Variants in SLC30A8 observed in about 807,000 individuals in gnomAD.
SLC30A8 encodes proton-coupled zinc antiporter SLC30A8.
Under a neutral mutation model 36.9 loss-of-function variants are expected in SLC30A8, and 27 were observed. The ratio of observed to expected loss-of-function variants is 0.73; its 90% CI spans 0.54 to 1.01. The LOEUF (loss-of-function observed/expected upper bound fraction) is 1.01. Among genes scored for constraint, SLC30A8 ranks in the 50% least tolerant of loss-of-function variants. SLC30A8 has a pLI of 0.00. For missense variants in SLC30A8, 439 were observed against 452.0 expected (o/e 0.97, Z 0.26); for synonymous variants, 164 against 172.4 (o/e 0.95, Z 0.38).
chr8:117,011,518 A>G (rs1816343915), intron 1 of SLC30A8, among the ~76,000 whole-genome samples: 2 of 152,226 alleles, frequency 1.3e-5, no homozygotes, highest in Admixed American at 1.3e-4. Context: ...CACCTGAGAC[A>G]GAGAGAAGCC....
chr8:117,054,539 A>G (rs568229401), intron 2 of SLC30A8, among the ~76,000 whole-genome samples: 1 of 152,288 alleles, frequency 6.6e-6, no homozygotes, highest in East Asian at 1.9e-4. Flanking sequence ...AAACATACAG[A>G]AGAATACTGA....
chr8:117,091,055 A>G (rs1358994259), intron 2 of SLC30A8, among the ~76,000 whole-genome samples: 1 of 152,006 alleles, frequency 6.6e-6, no homozygotes, highest in Non-Finnish European at 1.5e-5. Flanking sequence ...TAGGTTAATC[A>G]TTAATCTGAA....
chr8:117,077,961 T>C (rs925455857), intron 2 of SLC30A8, among the ~76,000 whole-genome samples: 28 of 152,312 alleles, frequency 1.8e-4, no homozygotes, highest in African/African-American at 6.5e-4. Context: ...ATTGATATTG[T>C]GTAGGAGAAG....
chr8:117,142,326 G>A (rs1485086716), intron 1 of SLC30A8, among the ~76,000 whole-genome samples: 1 of 152,034 alleles, frequency 6.6e-6, no homozygotes, highest in Non-Finnish European at 1.5e-5. Flanking sequence ...CACCTCCTAA[G>A]GGTTTCTATG....
At chr8:117,026,227 CGTA>C (rs1816866550) in intron 1 of SLC30A8, among the ~76,000 whole-genome samples, 1 of 152,104 alleles carries the variant, frequency 6.6e-6, no homozygotes, top group African/African-American at 2.4e-5. Flanking sequence ...ATTTTTGAAA[CGTA>C]GTTCTAATCA....
At chr8:117,147,204 A>G (rs756742386) in intron 2 of SLC30A8, 51 bp downstream of exon 2, 2 of 1,524,980 alleles carry the variant, frequency 1.3e-6, no homozygotes, top group Non-Finnish European at 1.8e-6. Context: ...AAAACTCTGC[A>G]TCATTATGGG....
chr8:117,132,145 G>T (rs899316137), upstream of SLC30A8, among the ~76,000 whole-genome samples: 1 of 152,018 alleles, frequency 6.6e-6, no homozygotes, highest in African/African-American at 2.4e-5. Flanking sequence ...TCTGAAATAC[G>T]AGTTTAAATA....
chr8:116,983,770 A>G (rs1045440628), intron 1 of SLC30A8, among the ~76,000 whole-genome samples: 5 of 152,098 alleles, frequency 3.3e-5, no homozygotes, highest in Non-Finnish European at 7.4e-5. Context: ...TAATGGTAAC[A>G]TCTTGCTTAA....
At chr8:117,082,428 T>C (rs1477293319) in intron 2 of SLC30A8, among the ~76,000 whole-genome samples, 7 of 152,226 alleles carry the variant, frequency 4.6e-5, no homozygotes, top group Admixed American at 4.6e-4. Context: ...AAGGTATTTA[T>C]TTCTTTTTAT....
At chr8:117,102,099 A>G (rs1819750468) in intron 2 of SLC30A8, among the ~76,000 whole-genome samples, 1 of 152,120 alleles carries the variant, frequency 6.6e-6, no homozygotes, top group Admixed American at 6.6e-5. Context: ...TTTTTAAAAA[A>G]TCATATTGAT....
At chr8:117,086,737 CA>C (rs1227881331) in intron 2 of SLC30A8, among the ~76,000 whole-genome samples, 1 of 152,154 alleles carries the variant, frequency 6.6e-6, no homozygotes, top group Non-Finnish European at 1.5e-5. Flanking sequence ...CTATTTATGC[CA>C]CATCTACTAA....
At chr8:117,088,372 C>G (rs2130824199) in intron 2 of SLC30A8, among the ~76,000 whole-genome samples, 1 of 152,240 alleles carries the variant, frequency 6.6e-6, no homozygotes, top group East Asian at 1.9e-4. Context: ...CAGGTTTCCC[C>G]CCTTATTCCT....
At chr8:117,140,126 A>G (rs1821582082) in intron 1 of SLC30A8, among the ~76,000 whole-genome samples, 1 of 152,086 alleles carries the variant, frequency 6.6e-6, no homozygotes, top group Non-Finnish European at 1.5e-5. Flanking sequence ...GTTCAACAGT[A>G]GAGCTGTACT....
intron 2 of SLC30A8, among the ~76,000 whole-genome samples, chr8:117,060,418 AAGG>A (rs1024308896): frequency 4.6e-5 from 7 of 152,142 alleles, no homozygotes; most frequent in African/African-American, 1.7e-4. Context: ...ATGAGAAATA[AAGG>A]AGGAGAGGAC....
intron 1 of SLC30A8, among the ~76,000 whole-genome samples, chr8:116,964,829 G>A (rs1391224737): frequency 6.6e-6 from 1 of 152,152 alleles, no homozygotes; most frequent in Non-Finnish European, 1.5e-5. Flanking sequence ...TAAACACTTG[G>A]GAAAGAGTTT....
intron 2 of SLC30A8, among the ~76,000 whole-genome samples, chr8:117,073,258 CTTT>C (rs35458253): frequency 4.3e-5 from 6 of 140,250 alleles, no homozygotes; most frequent in Admixed American, 1.4e-4. Context: ...ATTTCTTTCA[CTTT>C]TTTTTTTTTT....
At chr8:117,032,847 G>A (rs571809031) in intron 1 of SLC30A8, among the ~76,000 whole-genome samples, 33 of 151,744 alleles carry the variant, frequency 2.2e-4, no homozygotes, top group East Asian at 3.9e-4. Flanking sequence ...CTGAGGTTGC[G>A]CCATTGCACT....
chr8:116,967,563 A>G (rs1349157915), intron 1 of SLC30A8, among the ~76,000 whole-genome samples: 10 of 152,182 alleles, frequency 6.6e-5, no homozygotes, highest in Non-Finnish European at 4.4e-5. Flanking sequence ...CCAATCTGCA[A>G]CATGTAATAC....
chr8:117,163,788 G>A (rs1259504134), intron 6 of SLC30A8, among the ~76,000 whole-genome samples: 1 of 152,026 alleles, frequency 6.6e-6, no homozygotes, highest in African/African-American at 2.4e-5. Context: ...ACACCATGCG[G>A]AGATACTACA....
Sources: gnomAD v4.1 joint callset for allele counts (sites outside exome capture counted in the v4.1 genomes callset) on GRCh38, gnomAD v4.1.1 for gene constraint, MANE v1.5 for transcripts, NCBI Gene and HGNC (gene_info 2026-07-23, HGNC 2026-07-21) for gene names.